The following AMHR2 variants were observed in gnomAD, a reference collection of about 807,000 sequenced individuals.
AMHR2 encodes the protein anti-Muellerian hormone type-2 receptor.
AMHR2 carries 36 observed loss-of-function variants against 61.4 expected under a neutral mutation model. The ratio of observed to expected loss-of-function variants is 0.59; its 90% CI spans 0.45 to 0.77. AMHR2 has a LOEUF of 0.77. AMHR2 is among the 30% of genes least tolerant of loss of function. The pLI is 0.00. For missense variants in AMHR2, 638 were observed against 714.6 expected, an observed-to-expected ratio of 0.89 and a Z score of 1.22; for synonymous variants, 258 against 279.4, an observed-to-expected ratio of 0.92 and a Z score of 0.76.
chr12:53,424,478 G>A lies in AMHR2; in HGVS notation c.232+8G>A, dbSNP rs751418376. 6.2e-7 allele frequency: 1 copy of A among 1,611,944 alleles called. No individual in the cohort carries two copies. Among genetic ancestry groups the A allele is most frequent in the Admixed American group, 1.7e-5 (1 of 59,376 alleles). On this transcript the variant is annotated splice_region_variant and intron_variant, in intron 2 of 10. Transcript: ENST00000257863. Reference sequence around the variant, plus strand: ...CACAGGTGGAAATGCAAGGTGAATGGCAAAGTATATGGCAGGTGATGGCTA... The same window carrying A: ...CACAGGTGGAAATGCAAGGTGAATGACAAAGTATATGGCAGGTGATGGCTA...
At chr12:53,428,361 T>C (rs756338055) in intron 6 of AMHR2, among the ~76,000 whole-genome samples, 5 of 152,196 alleles carry the variant, frequency 3.3e-5, no homozygotes, top group African/African-American at 4.8e-5. Context: ...GCTCTGCCCG[T>C]CTATGTGTAC....
intron 10 of AMHR2, 182 bp from the exon 11 acceptor site, chr12:53,430,995 T>A: frequency 1.3e-6 from 1 of 746,128 alleles, no homozygotes; most frequent in Non-Finnish European, 2.2e-6. Context: ...CCAGAGAGCC[T>A]GTTTCATAGG....
At position 53,423,950 on chromosome 12, in the gene AMHR2, G is replaced by C; in HGVS notation, c.16G>C (p.Gly6Arg). 1.9e-6 allele frequency: 3 copies of C among 1,614,156 alleles called. No individual in the cohort carries two copies. The highest frequency in any genetic ancestry group is 2.5e-6 in the Non-Finnish European group (3 of 1,180,026). The change falls in exon 1 of 11, where the codon GGG (glycine) becomes CGG (arginine). Residue 6 changes from glycine (G) to arginine (R), a missense_variant. Physicochemically the swap from Gly to Arg is moderately radical, Grantham distance 125. Transcript: ENST00000257863. ...CTCCAGCAAGATGCTAGGGTCTTTGGGGCTTTGGGCATTACTTCCCACAGC... is the reference window on the plus strand; with the variant it reads ...CTCCAGCAAGATGCTAGGGTCTTTGCGGCTTTGGGCATTACTTCCCACAGC... MLGSLGLWALLPTAVE... is the reference protein window; with the variant it reads MLGSLRLWALLPTAVE...
chr12:53,424,994 C>T (rs1939424736), intron 3 of AMHR2, 94 bp downstream of exon 3: 1 of 1,551,816 alleles, frequency 6.4e-7, no homozygotes, highest in African/African-American at 1.4e-5. Flanking sequence ...TACTCCCGCC[C>T]CACGCTTTCC....
At chr12:53,430,063 C>T in intron 9 of AMHR2, 83 bp from the exon 10 acceptor site, 1 of 1,614,098 alleles carries the variant, frequency 6.2e-7, no homozygotes, top group South Asian at 1.1e-5. Flanking sequence ...CCTGAGAAAG[C>T]TCTGCTCTTC....
Position 53,429,486 on chromosome 12 carries a change from T to C in AMHR2, c.1001T>C (p.Leu334Pro). 6.2e-7 allele frequency: 1 copy of C among 1,613,450 alleles called. No individual in the cohort carries two copies. Among genetic ancestry groups the C allele is most frequent in the South Asian group, 1.1e-5 (1 of 91,070 alleles). ...AAACCAGGTATTGCCCACCGAGATC[T>C]GAGCAGCCAGAATGTGCTCATTCGG... ...QYKPGIAHRD[L>P]SSQNVLIRED... Residue 334 changes from leucine (L) to proline (P), a missense_variant, in exon 8 of 11, where the codon CTG (leucine) becomes CCG (proline). Transcript: ENST00000257863.
intron 3 of AMHR2, 28 bp from the exon 4 acceptor site, chr12:53,425,137 C>T (rs1476546008): frequency 6.2e-7 from 1 of 1,613,164 alleles, no homozygotes; most frequent in African/African-American, 1.3e-5. Flanking sequence ...CAGTGCTCTC[C>T]AGCCTGCATT....
chr12:53,424,101 A>G, intron 1 of AMHR2, 118 bp downstream of exon 1: 1 of 1,372,874 alleles, frequency 7.3e-7, no homozygotes, highest in South Asian at 1.2e-5. Flanking sequence ...GTAAGGGTGA[A>G]GGATAGAGCC....
At chr12:53,430,044 C>G (rs760804136) in intron 9 of AMHR2, 66 bp downstream of exon 9, 5 of 1,614,034 alleles carry the variant, frequency 3.1e-6, no homozygotes, top group Non-Finnish European at 4.2e-6. Context: ...TCACCCCAAC[C>G]TGACCTGGCC....
rs754698008 is a variant in AMHR2, at chr12:53,431,173, C to G, written c.1426-4C>G. 2.5e-6 allele frequency: 4 copies of G among 1,613,922 alleles called. No homozygotes were observed. Among genetic ancestry groups the G allele is most frequent in the African/African-American group, 1.3e-5 (1 of 74,936 alleles). ...CAACCCTTCCTCCCTGTCATTCCCC[C>G]CAGGACCCTGATGGGCTGAGGGAGC... On this transcript the variant is annotated splice_polypyrimidine_tract_variant and splice_region_variant and intron_variant, in intron 10 of 10. Transcript: ENST00000257863.
Position 53,425,902 on chromosome 12 carries a change from C to G in AMHR2, c.835C>G (p.Leu279Val). 6.2e-7 allele frequency: 1 copy of G among 1,614,008 alleles called. No individual in the cohort carries two copies. ...GRLLSGPLLVLELHPKGSLCH... is the reference protein window; with the variant it reads ...GRLLSGPLLVVELHPKGSLCH... ...CCTGCTCTCTGGGCCCCTGCTGGTA[C>G]TGGAACTGCATCCCAAGGTGAGCAC... Residue 279 changes from leucine (L) to valine (V), a missense_variant, in exon 6 of 11, where the codon CTG (leucine) becomes GTG (valine). Transcript: ENST00000257863.
rs1000801921 is a variant in AMHR2 at position 53,424,298 on chromosome 12, C to G, written c.60C>G (p.Asn20Lys). ...LLPTAVEAPP[N>K]RRTCVFFEAP... ...CACCCTGGGCCTCAGCACCCCCAAA[C>G]AGGCGAACCTGTGTGTTCTTTGAGG... The change falls in exon 2 of 11, where the codon AAC (asparagine) becomes AAG (lysine). Residue 20 changes from asparagine (N) to lysine (K), a missense_variant. By Grantham distance (94) the Asn-to-Lys change is moderately conservative (BLOSUM62 0). Coordinates refer to ENST00000257863, the MANE Select transcript of AMHR2 (RefSeq NM_020547.3). 4 of 1,612,534 alleles carry G rather than the reference C, an allele frequency of 2.5e-6. No homozygotes were observed. Among genetic ancestry groups the G allele is most frequent in the Non-Finnish European group, 3.4e-6 (4 of 1,180,010 alleles).
At chr12:53,424,939 G>A (rs779387151) in intron 3 of AMHR2, 39 bp downstream of exon 3, 6 of 1,595,210 alleles carry the variant, frequency 3.8e-6, no homozygotes, top group Admixed American at 1.7e-5. Context: ...TGGGGGCTGG[G>A]GCCCAGGTTA....
intron 7 of AMHR2, among the ~76,000 whole-genome samples, 178 bp downstream of exon 7, chr12:53,429,188 C>T (rs1453015095): frequency 1.3e-5 from 2 of 152,020 alleles, no homozygotes; most frequent in African/African-American, 2.4e-5. Flanking sequence ...GTCAGGAGAT[C>T]GAGGCCATCC....
At position 53,428,878 on chromosome 12, in the gene AMHR2, C is replaced by G. The variant is rs1939847083; in HGVS notation, c.853-18C>G. On this transcript the variant is annotated intron_variant, in intron 6 of 10. Transcript: ENST00000257863. ...CTCCAGCTTTGTGTACCATCCTTTT[C>G]TCTCTGCGTTTCCCCAGGGCTCCCT... 2 of 1,537,248 alleles carry G rather than the reference C, an allele frequency of 1.3e-6. No individual in the cohort carries two copies. Among genetic ancestry groups the G allele is most frequent in the African/African-American group, 1.4e-5 (1 of 72,724 alleles).
chr12:53,426,121 A>G (rs1565834401), intron 6 of AMHR2, among the ~76,000 whole-genome samples: 1 of 152,152 alleles, frequency 6.6e-6, no homozygotes, highest in Non-Finnish European at 1.5e-5. Context: ...GCTTAAGCCC[A>G]GGAGCTCAAG....
Position 53,429,898 on chromosome 12 carries a change from T to C in AMHR2, c.1208T>C (p.Met403Thr), listed in dbSNP as rs1051774076. Reference sequence around the variant, plus strand: ...ACTCTGGACCTACAGGATTGGGGCATGGCCCTCCGACGAGCTGATATTTAC... The same window carrying C: ...ACTCTGGACCTACAGGATTGGGGCACGGCCCTCCGACGAGCTGATATTTAC... ...DKTLDLQDWG[M>T]ALRRADIYSL... Residue 403 changes from methionine (M) to threonine (T), a missense_variant, in exon 9 of 11, where the codon ATG becomes ACG. By Grantham distance (81) the Met-to-Thr change is moderately conservative. Transcript: ENST00000257863. 1 of 1,614,212 alleles carries C rather than the reference T, an allele frequency of 6.2e-7. No individual in the cohort carries two copies. Among genetic ancestry groups the C allele is most frequent in the Non-Finnish European group, 8.5e-7 (1 of 1,180,040 alleles).
rs1357158162 is a variant in AMHR2, at chr12:53,431,224, C to T, written c.1473C>T (p.Asp491=). 6.2e-7 allele frequency: 1 copy of T among 1,614,142 alleles called. No homozygotes were observed. Among genetic ancestry groups the T allele is most frequent in the Non-Finnish European group, 8.5e-7 (1 of 1,180,056 alleles). The part of the protein sequence containing the change: ...RELLEDCWDA[D]PEARLTAECV... ...TCCTAGAAGACTGTTGGGATGCAGA[C>T]CCAGAAGCACGGCTGACAGCTGAGT... The change falls in exon 11 of 11, where the codon GAC becomes GAT. Residue 491 remains aspartate (D), a synonymous_variant. Transcript: ENST00000257863.
At chr12:53,424,973 A>T (rs1939423324) in intron 3 of AMHR2, 73 bp downstream of exon 3, 2 of 1,561,180 alleles carry the variant, frequency 1.3e-6, no homozygotes, top group East Asian at 2.2e-5. Flanking sequence ...AACCAGGGCC[A>T]GTTCTCACCC....
Sources: gnomAD v4.1 joint callset for allele counts (sites outside exome capture counted in the v4.1 genomes callset) on GRCh38, gnomAD v4.1.1 for gene constraint, MANE v1.5 for transcripts, NCBI Gene and HGNC (gene_info 2026-07-23, HGNC 2026-07-21) for gene names.